Variants in CELF4 observed in about 807,000 individuals in gnomAD.
The protein encoded by CELF4 is CUG-BP- and ETR-3-like factor 4.
CELF4 carries 18 observed loss-of-function variants against 59.9 expected under a neutral mutation model. The observed-to-expected ratio is 0.30, with a 90% CI of 0.21 to 0.45. The LOEUF is 0.45. Among genes scored for constraint, CELF4 ranks in the 20% least tolerant of loss-of-function variants. The pLI, the probability that CELF4 is intolerant of heterozygous loss-of-function variation, is 1.00. For synonymous variants in CELF4, 261 were observed against 267.1 expected (o/e 0.98, Z 0.22); for missense variants, 456 against 689.0 (o/e 0.66, Z 3.79).
chr18:37,477,271 G>T (rs1334924621), intron 2 of CELF4, among the ~76,000 whole-genome samples: 1 of 152,244 alleles, frequency 6.6e-6, no homozygotes, highest in African/African-American at 2.4e-5. Flanking sequence ...CTTGGATGGG[G>T]ACGGATTGGA....
chr18:37,430,728 C>T (rs564574769), intron 2 of CELF4, among the ~76,000 whole-genome samples: 67 of 152,336 alleles, frequency 4.4e-4, no homozygotes, highest in Admixed American at 1.1e-3. Context: ...CCTCCTGGCT[C>T]GGGCCCCCTG....
At chr18:37,410,902 G>T (rs547348243) in intron 2 of CELF4, among the ~76,000 whole-genome samples, 1 of 152,276 alleles carries the variant, frequency 6.6e-6, no homozygotes, top group African/African-American at 2.4e-5. Context: ...CTTGATCCTG[G>T]AGTTCTGCAT....
At chr18:37,280,515 TGATA>T (rs1473391929) in intron 3 of CELF4, among the ~76,000 whole-genome samples, 5 of 152,164 alleles carry the variant, frequency 3.3e-5, no homozygotes, top group Non-Finnish European at 7.3e-5. Flanking sequence ...AACAAAGGCC[TGATA>T]GATACATTCA....
intron 2 of CELF4, among the ~76,000 whole-genome samples, chr18:37,346,801 G>A (rs1410089117): frequency 3.3e-5 from 5 of 152,100 alleles, no homozygotes; most frequent in African/African-American, 1.2e-4. Context: ...AGGAAGCCTG[G>A]GGCAGCCATG....
chr18:37,482,163 G>A (rs536524878), intron 2 of CELF4, among the ~76,000 whole-genome samples: 9 of 152,316 alleles, frequency 5.9e-5, no homozygotes, highest in Admixed American at 5.2e-4. Flanking sequence ...AAGCGGGGAG[G>A]TGGATGTGTT....
chr18:37,270,224 G>A (rs2090465687), intron 8 of CELF4, among the ~76,000 whole-genome samples: 2 of 152,206 alleles, frequency 1.3e-5, no homozygotes, highest in South Asian at 4.1e-4. Context: ...CAAGGTGCTG[G>A]GCTGTCTGTG....
chr18:37,425,639 C>T (rs1207680266), intron 2 of CELF4, among the ~76,000 whole-genome samples: 1 of 152,258 alleles, frequency 6.6e-6, no homozygotes, highest in African/African-American at 2.4e-5. Context: ...GTGCACTCGT[C>T]CACCAGGGAG....
intron 2 of CELF4, among the ~76,000 whole-genome samples, chr18:37,430,881 G>A (rs2099645101): frequency 6.6e-6 from 1 of 152,226 alleles, no homozygotes; most frequent in African/African-American, 2.4e-5. Flanking sequence ...CACTTGGTCT[G>A]GAGGTGGCGC....
rs73948884 is a variant in CELF4, at chr18:37,309,502, C to T, written c.448+12301G>A. On this transcript the variant is annotated intron_variant, in intron 3 of 12. Transcript: ENST00000420428. ...GCTGCTGCTACAGGCAGTAATTGGTCCCCATGTGCCTTGTCCTGGGCTGGG... is the reference window on the plus strand; with the variant it reads ...GCTGCTGCTACAGGCAGTAATTGGTTCCCATGTGCCTTGTCCTGGGCTGGG... Among the ~76,000 whole-genome samples the T allele has an allele frequency of 6.9e-3, 1,048 of 152,186 alleles. 14 individuals carry two copies. Among genetic ancestry groups the T allele is most frequent in the African/African-American group, 0.024 (980 of 41,504 alleles).
intron 2 of CELF4, among the ~76,000 whole-genome samples, chr18:37,410,059 G>C (rs535794749): frequency 3.2e-4 from 49 of 152,302 alleles, no homozygotes; most frequent in Non-Finnish European, 5.7e-4. Context: ...GCCACTTTCA[G>C]GTGTTGACTG....
intron 2 of CELF4, among the ~76,000 whole-genome samples, chr18:37,432,049 G>A (rs1275932199): frequency 6.6e-6 from 1 of 152,196 alleles, no homozygotes; most frequent in Non-Finnish European, 1.5e-5. Context: ...GCTGTCTCTG[G>A]GCCTGAGCTG....
chr18:37,564,556 G>A (rs1420773246), intron 1 of CELF4, among the ~76,000 whole-genome samples: 1 of 152,078 alleles, frequency 6.6e-6, no homozygotes, highest in African/African-American at 2.4e-5. Context: ...GGTGAGTTTG[G>A]GATAAATTAG....
chr18:37,446,704 T>C (rs1384170078), intron 2 of CELF4, among the ~76,000 whole-genome samples: 1 of 152,082 alleles, frequency 6.6e-6, no homozygotes, highest in East Asian at 1.9e-4. Context: ...CTCCTCTCTC[T>C]ACCTCTCCCT....
chr18:37,548,300 T>C (rs1941951), intron 1 of CELF4, among the ~76,000 whole-genome samples: 27,975 of 152,222 alleles, frequency 0.18, 3,064 homozygotes, highest in South Asian at 0.31. Context: ...AAAGGGAGCA[T>C]GCAGTCAAGG....
At chr18:37,502,225 C>T (rs1393667850) in intron 1 of CELF4, among the ~76,000 whole-genome samples, 1 of 152,202 alleles carries the variant, frequency 6.6e-6, no homozygotes, top group Non-Finnish European at 1.5e-5. Flanking sequence ...CAATTCCTCC[C>T]TCATGAACAC....
At chr18:37,305,109 G>A (rs1411054866) in intron 3 of CELF4, among the ~76,000 whole-genome samples, 1 of 152,146 alleles carries the variant, frequency 6.6e-6, no homozygotes, top group Non-Finnish European at 1.5e-5. Context: ...GCAACACTGG[G>A]CTACAGTGTT....
intron 2 of CELF4, among the ~76,000 whole-genome samples, chr18:37,482,795 C>G (rs933953451): frequency 6.6e-6 from 1 of 152,102 alleles, no homozygotes; most frequent in Admixed American, 6.5e-5. Context: ...CAACAGGATG[C>G]GAGCTCCATA....
At chr18:37,335,177 C>T (rs2097721710) in intron 2 of CELF4, among the ~76,000 whole-genome samples, 1 of 152,136 alleles carries the variant, frequency 6.6e-6, no homozygotes, top group Admixed American at 6.5e-5. Flanking sequence ...AACAGCCGCG[C>T]ACCGCCATCA....
At position 37,565,731 on chromosome 18, in the gene CELF4, A is replaced by G. The variant is rs1404378477; in HGVS notation, c.-90T>C. On this transcript the variant is annotated 5_prime_UTR_variant, in exon 1 of 13. Coordinates refer to ENST00000420428, the MANE Select transcript of CELF4 (RefSeq NM_020180.4). ...CTCGCGCTCACACACGCACACGCAT[A>G]CACACACTCGGGTTCTCTCCCCCTC... The G allele has an allele frequency of 8.9e-7, 1 of 1,118,104 alleles. No individual in the cohort carries two copies. The highest frequency in any genetic ancestry group is 1.2e-6 in the Non-Finnish European group (1 of 809,072). The allele number at this position is 1,118,104 out of a possible 1,614,324, so 69.3% of individuals were successfully genotyped here.
Sources: gnomAD v4.1 joint callset for allele counts (sites outside exome capture counted in the v4.1 genomes callset) on GRCh38, gnomAD v4.1.1 for gene constraint, MANE v1.5 for transcripts, NCBI Gene and HGNC (gene_info 2026-07-23, HGNC 2026-07-21) for gene names.